Variants in LMCD1 observed in about 807,000 individuals in gnomAD.
LMCD1 encodes the protein LIM and cysteine-rich domains protein 1.
In LMCD1, 32 loss-of-function variants were observed where a neutral mutation model predicts 42.7. The ratio of observed to expected loss-of-function variants is 0.75; its 90% CI spans 0.57 to 1.01. LMCD1 has a LOEUF of 1.01. Ranked by LOEUF, LMCD1 falls within the 50% of genes least tolerant of loss-of-function variation. The probability of loss-of-function intolerance (pLI) is 0.00; values close to 1 mark genes in which losing one functional copy is unlikely to be tolerated. For missense variants in LMCD1, 458 were observed against 483.1 expected (o/e 0.95, Z 0.49); for synonymous variants, 178 against 184.9 (o/e 0.96, Z 0.30).
intron 5 of LMCD1, among the ~76,000 whole-genome samples, chr3:8,566,190 AAT>A (rs1380890973): frequency 6.6e-6 from 1 of 152,250 alleles, no homozygotes; most frequent in Non-Finnish European, 1.5e-5. Context: ...ACTTAACATT[AAT>A]ATGACACAAT....
At chr3:8,555,618 G>A (rs550565950) in intron 4 of LMCD1, among the ~76,000 whole-genome samples, 61 of 151,332 alleles carry the variant, frequency 4.0e-4, no homozygotes, top group Non-Finnish European at 7.5e-4. Flanking sequence ...TGACTTTCAG[G>A]GAGATCTTTT....
intron 4 of LMCD1, chr3:8,551,268 C>A: frequency 4.1e-6 from 4 of 985,202 alleles, no homozygotes; most frequent in Non-Finnish European, 4.8e-6. Flanking sequence ...AATATGTGAC[C>A]CATGAATGAA....
rs1695177236 is a variant in LMCD1 at position 8,569,272 on chromosome 3, T to G, written c.*1674T>G. On this transcript the variant is annotated 3_prime_UTR_variant, in exon 6 of 6. Coordinates refer to ENST00000157600, the MANE Select transcript of LMCD1 (RefSeq NM_014583.4). ...CCTCTGATCAAGCCCTTCCCTTTGC[T>G]TTTGCTAGTTGAAGACTGGCTACCT... The G allele has an allele frequency of 6.6e-6, 1 of 152,254 alleles. No individual in the cohort carries two copies. The highest frequency in any genetic ancestry group is 2.1e-4 in the South Asian group (1 of 4,836). 9.4% of individuals were successfully genotyped at this position (152,254 alleles called of 1,614,324 possible). A position where few individuals can be genotyped will look rare whatever the true frequency, so the allele number is the denominator to read the frequency against.
At chr3:8,559,424 A>G (rs1282667465) in intron 4 of LMCD1, among the ~76,000 whole-genome samples, 1 of 152,246 alleles carries the variant, frequency 6.6e-6, no homozygotes, top group East Asian at 1.9e-4. Context: ...AACTCACACC[A>G]CAATCCTATG....
chr3:8,545,620 T>A (rs1694720809), intron 3 of LMCD1, among the ~76,000 whole-genome samples: 1 of 152,172 alleles, frequency 6.6e-6, no homozygotes. Context: ...ACTTCTTGCA[T>A]CAGATTTACC....
Position 8,501,972 on chromosome 3 carries a change from G to C in LMCD1, c.34G>C (p.Val12Leu), listed in dbSNP as rs1382230571. ...AKVAKDLNPGVKKMSLGQLQS... is the reference protein window; with the variant it reads ...AKVAKDLNPGLKKMSLGQLQS... The stretch of plus-strand genomic sequence containing the variant: ...GGTGGCTAAGGACCTCAACCCAGGA[G>C]TTAAAAAGGTGAGTGGAAAGCTGTT... The change falls in exon 1 of 6, where the codon GTT (valine) becomes CTT (leucine). Residue 12 changes from valine to leucine, a missense_variant. By Grantham distance (32) the Val-to-Leu change is conservative. Transcript: ENST00000157600. 6.3e-7 allele frequency: 1 copy of C among 1,591,698 alleles called. No individual in the cohort carries two copies. Among genetic ancestry groups the C allele is most frequent in the South Asian group, 1.1e-5 (1 of 88,144 alleles).
intron 1 of LMCD1, among the ~76,000 whole-genome samples, chr3:8,529,405 G>A (rs892494813): frequency 6.6e-6 from 1 of 152,198 alleles, no homozygotes; most frequent in African/African-American, 2.4e-5. Flanking sequence ...CTAGCAGATG[G>A]AGACCAGGGC....
chr3:8,520,620 T>C (rs1694186909), intron 1 of LMCD1, among the ~76,000 whole-genome samples: 1 of 152,230 alleles, frequency 6.6e-6, no homozygotes, highest in African/African-American at 2.4e-5. Flanking sequence ...CTCATAGTGA[T>C]GCTGGTGGCT....
intron 1 of LMCD1, among the ~76,000 whole-genome samples, chr3:8,502,321 T>TATATATTATATATAA (rs1553604870): frequency 3.9e-5 from 1 of 25,760 alleles, no homozygotes; most frequent in African/African-American, 1.9e-4. Context: ...AAAATATATA[T>TATATATTATATATAA]TATATATAAT....
chr3:8,567,600 G>A lies in LMCD1; in HGVS notation c.*2G>A. On this transcript the variant is annotated 3_prime_UTR_variant, in exon 6 of 6. Coordinates refer to ENST00000157600, the MANE Select transcript of LMCD1 (RefSeq NM_014583.4). ...TGCAGCAAGTCCAAACGCTCCTGAA[G>A]GGCTGCCCACCCACAGCCAGAATCC... The A allele has an allele frequency of 6.2e-7, 1 of 1,611,794 alleles. No individual in the cohort carries two copies. Among genetic ancestry groups the A allele is most frequent in the African/African-American group, 1.3e-5 (1 of 74,836 alleles).
At chr3:8,563,776 C>A (rs891604259) in intron 4 of LMCD1, among the ~76,000 whole-genome samples, 1 of 152,176 alleles carries the variant, frequency 6.6e-6, no homozygotes, top group African/African-American at 2.4e-5. Flanking sequence ...CAAACACTGC[C>A]TCCACCAGAA....
intron 1 of LMCD1, among the ~76,000 whole-genome samples, chr3:8,516,050 C>T (rs1017705113): frequency 6.6e-6 from 1 of 152,192 alleles, no homozygotes; most frequent in African/African-American, 2.4e-5. Flanking sequence ...GTTTTATTCT[C>T]CTTCTTCAAG....
chr3:8,555,215 T>A (rs1017962781), intron 4 of LMCD1, among the ~76,000 whole-genome samples: 1 of 148,358 alleles, frequency 6.7e-6, no homozygotes, highest in Non-Finnish European at 1.5e-5. Context: ...GCTTTTCAGA[T>A]GGAAACTTAC....
At chr3:8,557,215 A>C (rs1265302079) in intron 4 of LMCD1, among the ~76,000 whole-genome samples, 1 of 152,220 alleles carries the variant, frequency 6.6e-6, no homozygotes. Flanking sequence ...GATGCCAGAA[A>C]TGATGTTAGA....
chr3:8,523,508 G>T (rs947229166), intron 1 of LMCD1, among the ~76,000 whole-genome samples: 3 of 152,170 alleles, frequency 2.0e-5, no homozygotes, highest in African/African-American at 7.2e-5. Context: ...GTTGATTTCT[G>T]CCATAAAAGT....
chr3:8,524,101 G>T (rs1253615651), intron 1 of LMCD1, among the ~76,000 whole-genome samples: 1 of 148,888 alleles, frequency 6.7e-6, no homozygotes, highest in Non-Finnish European at 1.5e-5. Context: ...TTTAATTTTT[G>T]TGGGTACATA....
chr3:8,514,301 A>G lies in LMCD1; in HGVS notation c.42+12321A>G, dbSNP rs572282297. 6.9e-4 allele frequency among the ~76,000 whole-genome samples: 105 copies of G among 152,324 alleles called. No individual in the cohort carries two copies. In the South Asian group the frequency reaches 0.021, roughly 31 times the overall value. ...ATCATTATTCATTACAGAAAAACAA[A>G]CGCACAATGAGACAGTGTCACATAC... On this transcript the variant is annotated intron_variant, in intron 1 of 5. Coordinates refer to ENST00000157600, the MANE Select transcript of LMCD1 (RefSeq NM_014583.4).
intron 4 of LMCD1, among the ~76,000 whole-genome samples, chr3:8,549,159 C>G (rs1574969456): frequency 6.6e-6 from 1 of 152,140 alleles, no homozygotes; most frequent in South Asian, 2.1e-4. Flanking sequence ...GAAGGGACAT[C>G]TAAGCCTGCT....
At chr3:8,563,679 CTT>C (rs901607682) in intron 4 of LMCD1, among the ~76,000 whole-genome samples, 3 of 152,204 alleles carry the variant, frequency 2.0e-5, no homozygotes, top group Non-Finnish European at 2.9e-5. Flanking sequence ...ATGGAGCACT[CTT>C]TAGACATGGA....
Sources: allele counts gnomAD v4.1 joint callset (sites outside exome capture counted in the v4.1 genomes callset), GRCh38; gene constraint gnomAD v4.1.1; transcripts MANE v1.5; gene names NCBI Gene and HGNC (gene_info 2026-07-23, HGNC 2026-07-21).